OR1B1: variants seen among roughly 807,000 people sequenced by gnomAD.
The protein encoded by OR1B1 is olfactory receptor 1B1.
For missense variants in OR1B1, 414 were observed against 402.1 expected, an observed-to-expected ratio of 1.03 and a Z score of -0.25; for synonymous variants, 168 against 156.2, an observed-to-expected ratio of 1.08 and a Z score of -0.57.
chr9:122,635,241 T>A, the OR1B1 span, among the ~76,000 whole-genome samples: 1 of 152,356 alleles, frequency 6.6e-6, no homozygotes. Flanking sequence ...TGGAGGATAT[T>A]ATGTTAAGTG....
chr9:122,641,056 T>G, the OR1B1 span, among the ~76,000 whole-genome samples: 1 of 152,170 alleles, frequency 6.6e-6, no homozygotes, highest in African/African-American at 2.4e-5. Flanking sequence ...TTGGTCCCAT[T>G]TCAGACTTAG....
chr9:122,652,213 TAAAG>T, the OR1B1 span, among the ~76,000 whole-genome samples: 1 of 152,208 alleles, frequency 6.6e-6, no homozygotes, highest in Non-Finnish European at 1.5e-5. Context: ...TACTATTTAA[TAAAG>T]ATTCATATAA....
chr9:122,642,528 G>T, the OR1B1 span, among the ~76,000 whole-genome samples: 3 of 151,970 alleles, frequency 2.0e-5, no homozygotes, highest in African/African-American at 4.8e-5. Flanking sequence ...GAGCCACCTG[G>T]GGGGAGGTCA....
the OR1B1 span, among the ~76,000 whole-genome samples, chr9:122,657,431 ATGTTGTTCCT>A: frequency 6.6e-6 from 1 of 152,208 alleles, no homozygotes; most frequent in Non-Finnish European, 1.5e-5. Flanking sequence ...GCTACAGTCC[ATGTTGTTCCT>A]GCCTGTGTTG....
the OR1B1 span, chr9:122,637,235 A>T: frequency 6.6e-6 from 1 of 152,194 alleles, no homozygotes; most frequent in Non-Finnish European, 1.5e-5. Context: ...GGAAACGGAA[A>T]GGTAAGGTCT....
chr9:122,656,613 T>C, the OR1B1 span, among the ~76,000 whole-genome samples: 1 of 152,202 alleles, frequency 6.6e-6, no homozygotes, highest in African/African-American at 2.4e-5. Flanking sequence ...TCAGACTTCC[T>C]AGCCTCCAAA....
chr9:122,636,095 A>C, the OR1B1 span, among the ~76,000 whole-genome samples: 2 of 152,224 alleles, frequency 1.3e-5, no homozygotes, highest in Non-Finnish European at 2.9e-5. Flanking sequence ...ACATGCTAAC[A>C]AGTAAAAAGC....
At chr9:122,650,421 T>C in the OR1B1 span, among the ~76,000 whole-genome samples, 1 of 149,130 alleles carries the variant, frequency 6.7e-6, no homozygotes, top group Non-Finnish European at 1.5e-5. Context: ...ATTAAAAAAA[T>C]ATATATATAA....
chr9:122,634,378 CAAA>C (rs899959239), upstream of OR1B1, among the ~76,000 whole-genome samples: 2 of 148,688 alleles, frequency 1.3e-5, no homozygotes, highest in South Asian at 4.4e-4. Context: ...AAAAAAGAAA[CAAA>C]AAAGAAATAC....
At chr9:122,657,103 T>A in the OR1B1 span, among the ~76,000 whole-genome samples, 16 of 152,058 alleles carry the variant, frequency 1.1e-4, no homozygotes, top group Admixed American at 6.5e-5. Flanking sequence ...TGTCAGGGGG[T>A]GTCCTCAATC....
chr9:122,640,108 G>A, the OR1B1 span, among the ~76,000 whole-genome samples: 2 of 152,098 alleles, frequency 1.3e-5, no homozygotes, highest in African/African-American at 2.4e-5. Flanking sequence ...ATTTTAACAC[G>A]AAGATTTGGA....
chr9:122,645,063 CAT>C, the OR1B1 span, among the ~76,000 whole-genome samples: 1 of 152,140 alleles, frequency 6.6e-6, no homozygotes, highest in Non-Finnish European at 1.5e-5. Flanking sequence ...AATTCAGAAT[CAT>C]ATAAGAATTT....
upstream of OR1B1, among the ~76,000 whole-genome samples, chr9:122,634,507 C>T (rs1477215831): frequency 1.3e-5 from 2 of 152,038 alleles, no homozygotes; most frequent in African/African-American, 2.4e-5. Context: ...GAAGCAAGTA[C>T]CTTCTTCACA....
At chr9:122,657,268 T>C in the OR1B1 span, among the ~76,000 whole-genome samples, 1,270 of 146,864 alleles carry the variant, frequency 8.6e-3, 17 homozygotes, top group African/African-American at 0.031. Context: ...TTTACACATA[T>C]TACATAATTA....
chr9:122,648,876 T>C, the OR1B1 span, among the ~76,000 whole-genome samples: 2 of 152,202 alleles, frequency 1.3e-5, no homozygotes, highest in African/African-American at 4.8e-5. Flanking sequence ...CCATTGACTT[T>C]CTTCACAGAA....
chr9:122,628,500 T>C, downstream of OR1B1: 1 of 915,026 alleles, frequency 1.1e-6, no homozygotes, highest in Non-Finnish European at 1.7e-6. Flanking sequence ...TCCACCCCTC[T>C]GATCTCCCCA....
chr9:122,636,596 A>G, the OR1B1 span, among the ~76,000 whole-genome samples: 1 of 152,208 alleles, frequency 6.6e-6, no homozygotes, highest in Non-Finnish European at 1.5e-5. Flanking sequence ...AGCCTGGGCA[A>G]CAAGAATGAA....
upstream of OR1B1, among the ~76,000 whole-genome samples, chr9:122,630,139 C>G (rs935485415): frequency 6.6e-6 from 1 of 152,116 alleles, no homozygotes; most frequent in Non-Finnish European, 1.5e-5. Context: ...AGCAATTAGA[C>G]CAATGAAAGA....
At chr9:122,653,044 C>T in the OR1B1 span, among the ~76,000 whole-genome samples, 1 of 152,298 alleles carries the variant, frequency 6.6e-6, no homozygotes, top group East Asian at 1.9e-4. Context: ...GCCAGCTAGA[C>T]TGAGGACTTG....
Sources: allele counts gnomAD v4.1 joint callset (sites outside exome capture counted in the v4.1 genomes callset), GRCh38; gene constraint gnomAD v4.1.1; transcripts MANE v1.5; gene names NCBI Gene and HGNC (gene_info 2026-07-23, HGNC 2026-07-21).